The following ANAPC15 variants were observed in gnomAD, a reference collection of about 807,000 sequenced individuals.
ANAPC15 encodes anaphase promoting complex subunit 15.
In ANAPC15, 13 loss-of-function variants were observed where a neutral mutation model predicts 19.8. The observed-to-expected ratio is 0.66, with a 90% CI of 0.43 to 1.04. The LOEUF is 1.04. Among genes scored for constraint, ANAPC15 ranks in the 50% least tolerant of loss-of-function variants. The pLI is 0.00. For synonymous variants in ANAPC15, 45 were observed against 50.7 expected (o/e 0.89, Z 0.47); for missense variants, 88 against 150.3 (o/e 0.59, Z 2.17).
At chr11:72,108,666 T>G, downstream of ANAPC15, 1 of 1,529,516 alleles carries the variant, frequency 6.5e-7, no homozygotes, top group Non-Finnish European at 8.8e-7. Context: ...CAGTATCAGC[T>G]GAGTCGGGCA....
chr11:72,107,338 G>T (rs1327360849), downstream of ANAPC15: 1 of 622,920 alleles, frequency 1.6e-6, no homozygotes, highest in Admixed American at 2.7e-5. Context: ...AAAGGGGAAT[G>T]AAACTACAAA....
intron 3 of ANAPC15, 40 bp from the exon 4 acceptor site, chr11:72,110,643 G>A: frequency 3.1e-6 from 5 of 1,613,406 alleles, no homozygotes; most frequent in Middle Eastern, 3.3e-4. Flanking sequence ...CAGAGCCCAA[G>A]TAGGGCAGGT....
downstream of ANAPC15, chr11:72,108,170 C>A (rs1226739115): frequency 7.0e-7 from 1 of 1,424,282 alleles, no homozygotes; most frequent in Non-Finnish European, 9.3e-7. Flanking sequence ...AGGCCTTGCC[C>A]CCAGACATCC....
chr11:72,106,940 C>CAA (rs34155157), downstream of ANAPC15: 6 of 82,498 alleles, frequency 7.3e-5, no homozygotes, highest in South Asian at 3.6e-4. Flanking sequence ...GAACCTGTCT[C>CAA]AAAAAAAAAA....
chr11:72,111,525 C>T (rs1349752907), intron 1 of ANAPC15, 29 bp from the exon 2 acceptor site: 5 of 381,236 alleles, frequency 1.3e-5, no homozygotes, highest in Non-Finnish European at 2.4e-5. Context: ...AACAATTATA[C>T]CACTGTCAAA....
chr11:72,106,940 C>CAAAAAA (rs34155157), downstream of ANAPC15: 2 of 82,462 alleles, frequency 2.4e-5, no homozygotes, highest in African/African-American at 3.8e-5. Context: ...GAACCTGTCT[C>CAAAAAA]AAAAAAAAAA....
At chr11:72,108,096 C>A, downstream of ANAPC15, 4 of 1,530,144 alleles carry the variant, frequency 2.6e-6, no homozygotes, top group Non-Finnish European at 3.5e-6. Context: ...ACTCATCCGC[C>A]TGGCCGGCTT....
chr11:72,109,321 C>T (rs1030803490), downstream of ANAPC15: 2 of 468,908 alleles, frequency 4.3e-6, no homozygotes, highest in Non-Finnish European at 8.5e-6. Context: ...AGAAAGCCTC[C>T]CATCCTCAGC....
At chr11:72,110,732 G>T in intron 3 of ANAPC15, 129 bp from the exon 4 acceptor site, 1 of 904,760 alleles carries the variant, frequency 1.1e-6, no homozygotes, top group Non-Finnish European at 1.7e-6. Flanking sequence ...AGTTCTCAGG[G>T]AGATACAATC....
rs1286203386 is a variant in ANAPC15, at chr11:72,110,535, G to C, written c.180+9C>G. On this transcript the variant is annotated intron_variant, in intron 4 of 5. Coordinates refer to ENST00000227618, the MANE Select transcript of ANAPC15 (RefSeq NM_014042.3). ...CCCCACACAGGCCCCACCTGCTAGA[G>C]CCACTCACCTCTGAGGCTGGCTTGC... 1 of 1,614,194 alleles carries C rather than the reference G, an allele frequency of 6.2e-7. No individual in the cohort carries two copies. Among genetic ancestry groups the C allele is most frequent in the South Asian group, 1.1e-5 (1 of 91,088 alleles).
downstream of ANAPC15, chr11:72,108,081 G>A (rs1945887619): frequency 1.3e-6 from 2 of 1,537,034 alleles, no homozygotes; most frequent in East Asian, 4.9e-5. Context: ...AGCAGTGGCT[G>A]AAAAACTCAT....
At chr11:72,108,210 G>A, downstream of ANAPC15, 2 of 1,180,214 alleles carry the variant, frequency 1.7e-6, no homozygotes, top group South Asian at 1.8e-5. Flanking sequence ...TAAGGAGAAG[G>A]AAGCACCTCC....
chr11:72,109,833 AG>A lies in ANAPC15; in HGVS notation c.*47del. On this transcript the variant is annotated 3_prime_UTR_variant, in exon 6 of 6. Transcript: ENST00000227618. The stretch of plus-strand genomic sequence containing the variant: ...GGGGTTGGGGGTTGGGATGCAGGGT[AG>A]TTTGGGCTGGCCTGGAATCTCCCTG... The A allele has an allele frequency of 1.2e-6, 2 of 1,607,070 alleles. No homozygotes were observed. The highest frequency in any genetic ancestry group is 1.7e-6 in the Non-Finnish European group (2 of 1,175,200).
downstream of ANAPC15, chr11:72,109,573 G>A (rs765695814): frequency 1.6e-5 from 8 of 495,226 alleles, no homozygotes; most frequent in Admixed American, 9.8e-5. Flanking sequence ...CAACAAATAG[G>A]GAATAGACAT....
At position 72,109,846 on chromosome 11, in the gene ANAPC15, C is replaced by T; in HGVS notation, c.*35G>A. 1 of 1,612,318 alleles carries T rather than the reference C, an allele frequency of 6.2e-7. No individual in the cohort carries two copies. The highest frequency in any genetic ancestry group is 1.3e-5 in the African/African-American group (1 of 74,970). Reference sequence around the variant, plus strand: ...GGGATGCAGGGTAGTTTGGGCTGGCCTGGAATCTCCCTGAGGCCACCCTGC... The same window carrying T: ...GGGATGCAGGGTAGTTTGGGCTGGCTTGGAATCTCCCTGAGGCCACCCTGC... On this transcript the variant is annotated 3_prime_UTR_variant, in exon 6 of 6. Transcript: ENST00000227618.
downstream of ANAPC15, chr11:72,109,169 C>T (rs538247137): frequency 4.1e-5 from 22 of 536,874 alleles, no homozygotes; most frequent in South Asian, 3.7e-4. Flanking sequence ...CAGCAAGAAG[C>T]CTGAGCTCCC....
rs1157882752 is a variant in ANAPC15, at chr11:72,109,838, G to A, written c.*43C>T. ...TGGGGGTTGGGATGCAGGGTAGTTT[G>A]GGCTGGCCTGGAATCTCCCTGAGGC... On this transcript the variant is annotated 3_prime_UTR_variant, in exon 6 of 6. Coordinates refer to ENST00000227618, the MANE Select transcript of ANAPC15 (RefSeq NM_014042.3). 1.2e-6 allele frequency: 2 copies of A among 1,610,192 alleles called. No homozygotes were observed. Among genetic ancestry groups the A allele is most frequent in the East Asian group, 2.2e-5 (1 of 44,866 alleles).
chr11:72,110,713 C>A, intron 3 of ANAPC15, 110 bp from the exon 4 acceptor site: 1 of 1,173,776 alleles, frequency 8.5e-7, no homozygotes, highest in Non-Finnish European at 1.2e-6. Context: ...TGGGGAGAAG[C>A]TTCCTCCCAG....
downstream of ANAPC15, chr11:72,108,484 G>A: frequency 1.2e-6 from 1 of 817,992 alleles, no homozygotes; most frequent in Non-Finnish European, 1.8e-6. Context: ...CAGAGGAAAT[G>A]TGAGAACACT....
Sources: gnomAD v4.1 joint callset for allele counts on GRCh38, gnomAD v4.1.1 for gene constraint, MANE v1.5 for transcripts, NCBI Gene and HGNC (gene_info 2026-07-23, HGNC 2026-07-21) for gene names.